Variants in RRAS2 observed in about 807,000 individuals in gnomAD.
RRAS2 encodes RAS related 2.
A neutral mutation model predicts 27.6 loss-of-function variants in RRAS2; 7 were observed. The observed-to-expected ratio is 0.25, with a 90% CI of 0.14 to 0.48. The LOEUF (loss-of-function observed/expected upper bound fraction) is 0.48, where lower values mean the gene tolerates loss of function less well. Among genes scored for constraint, RRAS2 ranks in the 20% least tolerant of loss-of-function variants. The pLI, the probability that RRAS2 is intolerant of heterozygous loss-of-function variation, is 0.99. For missense variants in RRAS2, 178 were observed against 256.2 expected (o/e 0.69, Z 2.08); for synonymous variants, 86 against 90.9 (o/e 0.95, Z 0.31).
intron 1 of RRAS2, among the ~76,000 whole-genome samples, chr11:14,355,041 T>C (rs550131207): frequency 6.6e-6 from 1 of 152,120 alleles, no homozygotes; most frequent in Admixed American, 6.5e-5. Flanking sequence ...CATTATTTTA[T>C]TTACTCCAAA....
At chr11:14,357,181 T>C (rs149302367) in intron 1 of RRAS2, among the ~76,000 whole-genome samples, 1 of 152,142 alleles carries the variant, frequency 6.6e-6, no homozygotes, top group Non-Finnish European at 1.5e-5. Context: ...ATAATTCAGA[T>C]GGCCCCTTCC....
At chr11:14,291,116 T>C (rs1366221092) in intron 4 of RRAS2, among the ~76,000 whole-genome samples, 1 of 152,026 alleles carries the variant, frequency 6.6e-6, no homozygotes, top group African/African-American at 2.4e-5. Context: ...CTCATGTTAG[T>C]AGATATGGAG....
intron 1 of RRAS2, among the ~76,000 whole-genome samples, chr11:14,329,068 T>TACACACAC (rs200695347): frequency 1.4e-3 from 192 of 141,708 alleles, no homozygotes; most frequent in African/African-American, 4.7e-3. Flanking sequence ...CACATATACA[T>TACACACAC]ACACACACAC....
rs555307749 is a variant in RRAS2 at position 14,308,028 on chromosome 11, C to T, written c.109-12173G>A. On this transcript the variant is annotated intron_variant, in intron 1 of 5. Coordinates refer to ENST00000256196, the MANE Select transcript of RRAS2 (RefSeq NM_012250.6). ...CAAGGACAATGTCATTCAGCAAATG[C>T]CTGGTTAAATTACGAAAGGTTCATT... 2.6e-5 allele frequency among the ~76,000 whole-genome samples: 4 copies of T among 152,008 alleles called. No individual in the cohort carries two copies. In the East Asian group the frequency reaches 7.7e-4, roughly 29 times the overall value.
chr11:14,359,500 C>T (rs1849160403), upstream of RRAS2, among the ~76,000 whole-genome samples: 1 of 152,200 alleles, frequency 6.6e-6, no homozygotes, highest in African/African-American at 2.4e-5. Flanking sequence ...TAGGAGAGTA[C>T]ATACCCTGCT....
chr11:14,326,272 T>G (rs952827971), intron 1 of RRAS2, among the ~76,000 whole-genome samples: 2 of 152,198 alleles, frequency 1.3e-5, no homozygotes, highest in Non-Finnish European at 2.9e-5. Flanking sequence ...AACAAGTAAC[T>G]AGACTGTTAT....
chr11:14,280,584 G>C (rs1849498915), intron 5 of RRAS2, among the ~76,000 whole-genome samples: 1 of 151,754 alleles, frequency 6.6e-6, no homozygotes, highest in Non-Finnish European at 1.5e-5. Context: ...AGATTAGCTG[G>C]ATGTGGTGGC....
intron 1 of RRAS2, among the ~76,000 whole-genome samples, chr11:14,349,000 C>G (rs1383152367): frequency 6.6e-6 from 1 of 152,186 alleles, no homozygotes; most frequent in Non-Finnish European, 1.5e-5. Flanking sequence ...GAGTCTCGCT[C>G]TGTTGCCCAG....
chr11:14,326,241 C>T (rs1252613961), intron 1 of RRAS2, among the ~76,000 whole-genome samples: 1 of 152,100 alleles, frequency 6.6e-6, no homozygotes, highest in Non-Finnish European at 1.5e-5. Context: ...TTTCACAAAA[C>T]CGGAAATAGT....
intron 1 of RRAS2, among the ~76,000 whole-genome samples, chr11:14,336,023 G>T (rs1848582470): frequency 6.6e-6 from 1 of 152,202 alleles, no homozygotes; most frequent in Non-Finnish European, 1.5e-5. Flanking sequence ...AGGCTGTAAA[G>T]GGGCACCCCA....
intron 1 of RRAS2, among the ~76,000 whole-genome samples, chr11:14,348,239 A>C (rs1848878983): frequency 6.6e-6 from 1 of 152,178 alleles, no homozygotes; most frequent in Non-Finnish European, 1.5e-5. Flanking sequence ...GTAACATCAA[A>C]GATGTTGACT....
intron 1 of RRAS2, among the ~76,000 whole-genome samples, chr11:14,302,578 T>C (rs577160456): frequency 6.6e-6 from 1 of 152,272 alleles, no homozygotes; most frequent in South Asian, 2.1e-4. Context: ...CCACTTCAGA[T>C]GTGGCAGCAA....
chr11:14,282,991 C>T (rs1455330320), intron 4 of RRAS2, among the ~76,000 whole-genome samples: 1 of 152,190 alleles, frequency 6.6e-6, no homozygotes, highest in Admixed American at 6.5e-5. Flanking sequence ...TACTCTTGAC[C>T]TATTTTGGAT....
At chr11:14,297,676 T>A (rs782362414) in intron 1 of RRAS2, among the ~76,000 whole-genome samples, 1 of 152,112 alleles carries the variant, frequency 6.6e-6, no homozygotes, top group Non-Finnish European at 1.5e-5. Context: ...ACAGAAGAAC[T>A]GCTTGAGCCC....
intron 1 of RRAS2, among the ~76,000 whole-genome samples, chr11:14,302,719 T>A (rs1053730687): frequency 2.6e-5 from 4 of 152,174 alleles, no homozygotes; most frequent in African/African-American, 9.7e-5. Flanking sequence ...TTATGTAGCC[T>A]CCACTCTCCT....
intron 1 of RRAS2, among the ~76,000 whole-genome samples, chr11:14,339,479 A>C (rs1554953007): frequency 1.3e-5 from 2 of 152,198 alleles, no homozygotes. Context: ...AAAGCCAATT[A>C]GATCTTTCAA....
chr11:14,334,361 G>A lies in RRAS2; in HGVS notation c.108+24402C>T, dbSNP rs921348837. On this transcript the variant is annotated intron_variant, in intron 1 of 5. Transcript: ENST00000256196. ...GATTTGTTTTTCAACTGCTCACCTTGCTGTCATTTTAAGATATGAGAATTA... is the reference window on the plus strand; with the variant it reads ...GATTTGTTTTTCAACTGCTCACCTTACTGTCATTTTAAGATATGAGAATTA... 5.3e-5 allele frequency among the ~76,000 whole-genome samples: 8 copies of A among 152,008 alleles called. No individual in the cohort carries two copies. The South Asian group carries it at 1.7e-3, about 32-fold the overall frequency.
intron 1 of RRAS2, among the ~76,000 whole-genome samples, chr11:14,325,207 T>C (rs1848325039): frequency 6.6e-6 from 1 of 152,186 alleles, no homozygotes; most frequent in Non-Finnish European, 1.5e-5. Context: ...GCTTTGTCAT[T>C]GGAGAAGTTA....
At chr11:14,351,093 G>A (rs186108994) in intron 1 of RRAS2, among the ~76,000 whole-genome samples, 1 of 152,212 alleles carries the variant, frequency 6.6e-6, no homozygotes. Context: ...CACATCTTAT[G>A]TTGCCTAATA....
Sources: allele counts gnomAD v4.1 joint callset (sites outside exome capture counted in the v4.1 genomes callset), GRCh38; gene constraint gnomAD v4.1.1; transcripts MANE v1.5; gene names NCBI Gene and HGNC (gene_info 2026-07-23, HGNC 2026-07-21).